PPIL6: variants seen among roughly 807,000 people sequenced by gnomAD.
PPIL6 encodes the protein peptidylprolyl isomerase like 6.
PPIL6 carries 39 observed loss-of-function variants against 36.8 expected under a neutral mutation model. That is an observed-to-expected ratio of 1.06 (90% CI 0.82 to 1.38). PPIL6 has a LOEUF of 1.38. Among genes scored for constraint, PPIL6 ranks in the 40% most tolerant of loss-of-function variants. The pLI is 0.00. For synonymous variants in PPIL6, 123 were observed against 134.1 expected (o/e 0.92, Z 0.57); for missense variants, 368 against 379.1 (o/e 0.97, Z 0.24).
intron 6 of PPIL6, among the ~76,000 whole-genome samples, chr6:109,403,848 G>T (rs1194785323): frequency 6.6e-6 from 1 of 152,126 alleles, no homozygotes; most frequent in Non-Finnish European, 1.5e-5. Context: ...TGCATCTCAT[G>T]GAAGTAGGAA....
In PPIL6 at chr6:109,436,105, C is replaced by T. The variant is rs761730038; in HGVS notation, c.230G>A (p.Arg77Lys). The T allele has an allele frequency of 6.5e-7, 1 of 1,528,898 alleles. No individual in the cohort carries two copies. Among genetic ancestry groups the T allele is most frequent in the South Asian group, 1.1e-5 (1 of 88,542 alleles). 94.7% of individuals were successfully genotyped at this position (1,528,898 alleles called of 1,614,324 possible). ...CCCCACACCCCAAATATCCTTTACC[C>T]TTTTTTTCTCCTGTAGATATTGATG... ...AWHQYLQEKK[R>K]ELKNETWEYS... is the part of the protein sequence containing the mutation. The change falls in exon 2 of 8, where the codon AGG becomes AAG. Residue 77 changes from arginine to lysine, a missense_variant and splice_region_variant. Transcript: ENST00000521072.
chr6:109,434,072 C>T (rs1774313074), intron 2 of PPIL6, among the ~76,000 whole-genome samples: 3 of 152,076 alleles, frequency 2.0e-5, no homozygotes, highest in African/African-American at 7.2e-5. Context: ...GAGAGCATGA[C>T]ACTGGTAGGT....
At chr6:109,422,365 A>G (rs1202509375) in intron 5 of PPIL6, among the ~76,000 whole-genome samples, 1 of 152,036 alleles carries the variant, frequency 6.6e-6, no homozygotes, top group Non-Finnish European at 1.5e-5. Context: ...AGGCAAGAGG[A>G]TTCATTGTTT....
chr6:109,392,620 G>C lies in PPIL6; in HGVS notation c.*206C>G. The C allele has an allele frequency of 2.0e-6, 1 of 490,778 alleles. No individual in the cohort carries two copies. Among genetic ancestry groups the C allele is most frequent in the African/African-American group, 2.0e-5 (1 of 50,020 alleles). 30.4% of individuals were successfully genotyped at this position (490,778 alleles called of 1,614,324 possible). On this transcript the variant is annotated 3_prime_UTR_variant, in exon 8 of 8. Coordinates refer to ENST00000521072, the MANE Select transcript of PPIL6 (RefSeq NM_173672.5). ...CATGGCCACCCGTGGCTGCAAAGGA[G>C]TCTAGGAAATTGAGTACCACCCTTT...
At chr6:109,403,102 T>A in intron 6 of PPIL6, 1 of 1,519,876 alleles carries the variant, frequency 6.6e-7, no homozygotes, top group Non-Finnish European at 8.8e-7. Flanking sequence ...CAAGCTTCCA[T>A]AAAGCTCTAA....
At chr6:109,393,239 A>G (rs1310820326) in intron 7 of PPIL6, among the ~76,000 whole-genome samples, 2 of 148,274 alleles carry the variant, frequency 1.3e-5, no homozygotes, top group African/African-American at 5.0e-5. Flanking sequence ...TTTTTTTGAG[A>G]CAGGGTCTCA....
intron 6 of PPIL6, among the ~76,000 whole-genome samples, chr6:109,407,527 C>T (rs752231886): frequency 7.2e-5 from 11 of 152,080 alleles, no homozygotes; most frequent in African/African-American, 1.2e-4. Flanking sequence ...GCACCGCGCC[C>T]GGCCAGGACT....
At chr6:109,396,971 A>T (rs1582520661) in intron 7 of PPIL6, among the ~76,000 whole-genome samples, 1 of 151,590 alleles carries the variant, frequency 6.6e-6, no homozygotes, top group Non-Finnish European at 1.5e-5. Context: ...ACACCTGGGG[A>T]TACTGAGAGA....
chr6:109,431,959 C>T (rs1387126413), intron 2 of PPIL6, among the ~76,000 whole-genome samples: 3 of 152,242 alleles, frequency 2.0e-5, no homozygotes, highest in Non-Finnish European at 4.4e-5. Flanking sequence ...AGTCCTCAAC[C>T]TTGGCCCAAA....
intron 5 of PPIL6, among the ~76,000 whole-genome samples, chr6:109,421,115 C>A (rs1773521760): frequency 6.6e-6 from 1 of 152,220 alleles, no homozygotes; most frequent in Admixed American, 6.5e-5. Context: ...AACTTACCTA[C>A]CCGTTGGTCA....
intron 3 of PPIL6, among the ~76,000 whole-genome samples, chr6:109,430,540 C>T (rs1774082356): frequency 6.6e-6 from 1 of 152,054 alleles, no homozygotes; most frequent in African/African-American, 2.4e-5. Flanking sequence ...GATTCTCCTG[C>T]TTCAGCCTCC....
At chr6:109,420,220 C>A (rs1478441491) in intron 5 of PPIL6, among the ~76,000 whole-genome samples, 1 of 150,728 alleles carries the variant, frequency 6.6e-6, no homozygotes, top group African/African-American at 2.4e-5. Flanking sequence ...GTAATCCCAG[C>A]TACTCGGGAG....
intron 5 of PPIL6, among the ~76,000 whole-genome samples, chr6:109,421,235 T>C (rs965155248): frequency 2.0e-5 from 3 of 152,254 alleles, no homozygotes; most frequent in African/African-American, 7.2e-5. Context: ...GTATTTACTA[T>C]TCTTTTTTGT....
intron 5 of PPIL6, among the ~76,000 whole-genome samples, chr6:109,422,926 A>C (rs1361269491): frequency 6.6e-6 from 1 of 152,184 alleles, no homozygotes; most frequent in Non-Finnish European, 1.5e-5. Context: ...ATTTGTTTTT[A>C]CTACTTTCAT....
At chr6:109,395,259 T>C (rs183285474) in intron 7 of PPIL6, among the ~76,000 whole-genome samples, 24 of 151,984 alleles carry the variant, frequency 1.6e-4, no homozygotes, top group African/African-American at 5.5e-4. Flanking sequence ...ATACAAAAAT[T>C]AGCTGGGCAT....
In PPIL6 at chr6:109,418,246, G is replaced by C. The variant is rs530692753; in HGVS notation, c.688+941C>G. ...TCCATCTGCATGGGAGCCTGTCCTG[G>C]AAGAGAGCCTTGTCAGATCAGTTTC... On this transcript the variant is annotated intron_variant, in intron 6 of 7. Transcript: ENST00000521072. 3 of 153,216 alleles carry C rather than the reference G, an allele frequency of 2.0e-5. No homozygotes were observed. The Admixed American group carries it at 2.0e-4, about 10-fold the overall frequency. The allele number at this position is 153,216 out of a possible 1,614,324, so 9.5% of individuals were successfully genotyped here.
intron 7 of PPIL6, among the ~76,000 whole-genome samples, chr6:109,394,664 C>T (rs1167645313): frequency 2.6e-5 from 4 of 152,154 alleles, no homozygotes; most frequent in Non-Finnish European, 5.9e-5. Flanking sequence ...CTATTTTTGC[C>T]ATCCCAATAA....
intron 1 of PPIL6, among the ~76,000 whole-genome samples, chr6:109,438,437 G>T (rs529594509): frequency 2.8e-4 from 42 of 151,854 alleles, no homozygotes; most frequent in African/African-American, 9.4e-4. Context: ...AAAAAAACTA[G>T]CTGAATTTTC....
At position 109,436,179 on chromosome 6, in the gene PPIL6, T is replaced by A; in HGVS notation, c.156A>T (p.Pro52=). The change falls in exon 2 of 8, where the codon CCA becomes CCT. Residue 52 remains proline, a synonymous_variant. Coordinates refer to ENST00000521072, the MANE Select transcript of PPIL6 (RefSeq NM_173672.5). ...SAAENLKNNH[P]SKFEDPILVP... ...CTAATATAGGATCTTCAAATTTGGA[T>A]GGATGATTATTCTTCAGATTCTGGA... 4.5e-6 allele frequency: 7 copies of A among 1,557,124 alleles called. No homozygotes were observed. Among genetic ancestry groups the A allele is most frequent in the Non-Finnish European group, 6.2e-6 (7 of 1,129,014 alleles).
Sources: allele counts gnomAD v4.1 joint callset (sites outside exome capture counted in the v4.1 genomes callset), GRCh38; gene constraint gnomAD v4.1.1; transcripts MANE v1.5; gene names NCBI Gene and HGNC (gene_info 2026-07-23, HGNC 2026-07-21).